ENPP3: variants seen among roughly 807,000 people sequenced by gnomAD.
ENPP3 encodes the protein ectonucleotide pyrophosphatase/phosphodiesterase 3, also known as ectonucleotide pyrophosphatase/phosphodiesterase family member 3.
Under a neutral mutation model 117.8 loss-of-function variants are expected in ENPP3, and 104 were observed. The observed-to-expected ratio is 0.88, with a 90% CI of 0.75 to 1.04. The LOEUF is 1.04. Among genes scored for constraint, ENPP3 ranks in the 50% least tolerant of loss-of-function variants. The pLI is 0.00. For missense variants in ENPP3, 1,026 were observed against 1,051.9 expected (o/e 0.98, Z 0.34); for synonymous variants, 380 against 349.9 (o/e 1.09, Z -0.96).
chr6:131,679,602 C>T (rs762964374), intron 11 of ENPP3, among the ~76,000 whole-genome samples: 19 of 149,364 alleles, frequency 1.3e-4, no homozygotes, highest in Non-Finnish European at 2.4e-4. Context: ...AGGAAAAGAT[C>T]GGAGTCCCCC....
Position 131,659,428 on chromosome 6 carries a change from C to T in ENPP3, c.562+1008C>T, listed in dbSNP as rs147909960. Among the ~76,000 whole-genome samples the T allele has an allele frequency of 5.3e-5, 8 of 152,256 alleles. No individual in the cohort carries two copies. In the East Asian group the frequency reaches 5.8e-4, roughly 11 times the overall value. On this transcript the variant is annotated intron_variant, in intron 6 of 24. Transcript: ENST00000357639. Reference sequence around the variant, plus strand: ...ATTCCTCTCTTTCTTCTCCCTCCTCCGAGGCTGTTTTATATCCCTAAAGTT... The same window carrying T: ...ATTCCTCTCTTTCTTCTCCCTCCTCTGAGGCTGTTTTATATCCCTAAAGTT...
At chr6:131,686,703 C>T (rs1779160803) in intron 14 of ENPP3, among the ~76,000 whole-genome samples, 1 of 152,132 alleles carries the variant, frequency 6.6e-6, no homozygotes, top group Non-Finnish European at 1.5e-5. Context: ...CTATTGTTCC[C>T]ATACTTATGT....
rs1183929276 is a variant in ENPP3, at chr6:131,737,381, TATG to T, written c.2120_2122del (p.Asp707del). Reference sequence around the variant, plus strand: ...CAGCAATAGAACATCAGATAGCCAATATGATGCTTTAATTACTAGCAATTTGGT... The same window carrying T: ...CAGCAATAGAACATCAGATAGCCAATATGCTTTAATTACTAGCAATTTGGT... On this transcript the variant is annotated inframe_deletion, in exon 22 of 25. Coordinates refer to ENST00000357639, the MANE Select transcript of ENPP3 (RefSeq NM_005021.5). The T allele has an allele frequency of 6.2e-7, 1 of 1,609,080 alleles. No individual in the cohort carries two copies. The highest frequency in any genetic ancestry group is 2.2e-5 in the East Asian group (1 of 44,684).
intron 2 of ENPP3, among the ~76,000 whole-genome samples, chr6:131,646,901 C>T (rs1270267744): frequency 2.0e-5 from 3 of 151,384 alleles, no homozygotes; most frequent in Non-Finnish European, 4.4e-5. Context: ...AAACTGTTTT[C>T]CTCTTCTTTT....
chr6:131,743,248 T>C (rs1414138448), intron 24 of ENPP3, among the ~76,000 whole-genome samples: 4 of 151,558 alleles, frequency 2.6e-5, no homozygotes, highest in Non-Finnish European at 5.9e-5. Flanking sequence ...GGTCTTCAGT[T>C]TGACAGACTA....
chr6:131,648,088 C>A (rs1272380588), intron 2 of ENPP3, among the ~76,000 whole-genome samples: 1 of 151,912 alleles, frequency 6.6e-6, no homozygotes, highest in African/African-American at 2.4e-5. Context: ...CTACGAACAA[C>A]TGTATATCTC....
At position 131,731,494 on chromosome 6, in the gene ENPP3, G is replaced by T. The variant is rs9372995; in HGVS notation, c.1954-2094G>T. On this transcript the variant is annotated intron_variant, in intron 20 of 24. Transcript: ENST00000357639. ...GGGAATCTTATCATTCAGCAATAGA[G>T]TTTTGTTTAATCTCATTTCTTTCAG... Among the ~76,000 whole-genome samples, 641 of 152,282 alleles carry T rather than the reference G, an allele frequency of 4.2e-3. 13 individuals are homozygous for T. The East Asian group carries it at 0.047, about 11-fold the overall frequency.
intron 22 of ENPP3, 69 bp from the exon 23 acceptor site, chr6:131,737,962 C>A: frequency 9.0e-7 from 1 of 1,108,682 alleles, no homozygotes; most frequent in Non-Finnish European, 1.3e-6. Flanking sequence ...ATGTACTTGT[C>A]TATAATAGAA....
At position 131,652,874 on chromosome 6, in the gene ENPP3, G is replaced by A. The variant is rs1434473122; in HGVS notation, c.447G>A (p.Gln149=). The A allele has an allele frequency of 6.2e-7, 1 of 1,612,668 alleles. No individual in the cohort carries two copies. The highest frequency in any genetic ancestry group is 1.1e-5 in the South Asian group (1 of 91,052). ...WLEENCDTAQ[Q]SQCPEGFDLP... The stretch of plus-strand genomic sequence containing the variant: ...AAGAAAACTGTGACACAGCCCAGCA[G>A]TCTCAGTGCCCAGAAGGGTGAGCAT... The change falls in exon 5 of 25, where the codon CAG becomes CAA. Residue 149 remains glutamine, a synonymous_variant. Coordinates refer to ENST00000357639, the MANE Select transcript of ENPP3 (RefSeq NM_005021.5).
chr6:131,692,839 GAT>G (rs1779311624), intron 14 of ENPP3, among the ~76,000 whole-genome samples: 1 of 134,300 alleles, frequency 7.4e-6, no homozygotes. Flanking sequence ...ATGTATATAT[GAT>G]ATGATATATA....
At chr6:131,690,596 G>GT (rs557143826) in intron 14 of ENPP3, among the ~76,000 whole-genome samples, 7 of 152,188 alleles carry the variant, frequency 4.6e-5, no homozygotes, top group Non-Finnish European at 8.8e-5. Flanking sequence ...TGGTCTGGAA[G>GT]TGAGTTCAAA....
In ENPP3 at chr6:131,658,432, G is replaced by A. The variant is rs766074614; in HGVS notation, c.562+12G>A. On this transcript the variant is annotated intron_variant, in intron 6 of 24. Transcript: ENST00000357639. ...TATCAATAAACTGAGTAAGTCTTCT[G>A]TAACTAGTGGCATGCAAATGATAAA... 1 of 1,317,740 alleles carries A rather than the reference G, an allele frequency of 7.6e-7. No individual in the cohort carries two copies. Among genetic ancestry groups the A allele is most frequent in the Admixed American group, 1.7e-5 (1 of 59,088 alleles). 81.6% of individuals were successfully genotyped at this position (1,317,740 alleles called of 1,614,324 possible). A position where few individuals can be genotyped will look rare whatever the true frequency, so the allele number is the denominator to read the frequency against.
At chr6:131,660,610 T>C (rs895401127) in intron 6 of ENPP3, among the ~76,000 whole-genome samples, 3 of 152,158 alleles carry the variant, frequency 2.0e-5, no homozygotes, top group African/African-American at 7.2e-5. Flanking sequence ...ACAGCAGAGA[T>C]CCAGCAGGGG....
intron 9 of ENPP3, among the ~76,000 whole-genome samples, chr6:131,675,736 G>A (rs1778853553): frequency 6.6e-6 from 1 of 152,164 alleles, no homozygotes; most frequent in Non-Finnish European, 1.5e-5. Flanking sequence ...TCTGGAGGCT[G>A]AGGTGGGAGA....
intron 6 of ENPP3, among the ~76,000 whole-genome samples, chr6:131,658,776 C>T (rs949377377): frequency 2.0e-5 from 3 of 152,156 alleles, no homozygotes; most frequent in Non-Finnish European, 4.4e-5. Context: ...AGAACCGGAT[C>T]CTGAAGGAGC....
At chr6:131,720,266 A>G in intron 16 of ENPP3, 26 bp from the exon 17 acceptor site, 1 of 1,378,704 alleles carries the variant, frequency 7.3e-7, no homozygotes, top group Non-Finnish European at 1.0e-6. Context: ...ACATCTAATA[A>G]TAATAATCTG....
At chr6:131,716,333 T>C (rs139323026) in intron 15 of ENPP3, among the ~76,000 whole-genome samples, 19 of 152,300 alleles carry the variant, frequency 1.2e-4, no homozygotes, top group African/African-American at 4.6e-4. Context: ...AGTTTTTACT[T>C]GGAAATAAAT....
intron 15 of ENPP3, among the ~76,000 whole-genome samples, chr6:131,695,609 G>A (rs1436627424): frequency 6.6e-6 from 1 of 152,076 alleles, no homozygotes; most frequent in Non-Finnish European, 1.5e-5. Context: ...GCCTTAACAA[G>A]AGAGCAAGTG....
At position 131,733,695 on chromosome 6, in the gene ENPP3, T is replaced by A. The variant is rs1396422159; in HGVS notation, c.2061T>A (p.Asn687Lys). 7 of 1,614,032 alleles carry A rather than the reference T, an allele frequency of 4.3e-6. No individual in the cohort carries two copies. Among genetic ancestry groups the A allele is most frequent in the African/African-American group, 1.3e-5 (1 of 74,926 alleles). Residue 687 changes from asparagine to lysine, a missense_variant, in exon 21 of 25, where the codon AAT becomes AAA. Transcript: ENST00000357639. ...GTTCCTTCTATTTAGCAGACAAGAA[T>A]ATCACCCACGGCTTCCTCTATCCTC... ...QKCSFYLADK[N>K]ITHGFLYPPA...
Sources: gnomAD v4.1 joint callset for allele counts (sites outside exome capture counted in the v4.1 genomes callset) on GRCh38, gnomAD v4.1.1 for gene constraint, MANE v1.5 for transcripts, NCBI Gene and HGNC (gene_info 2026-07-23, HGNC 2026-07-21) for gene names.